RBM12B: variants seen among roughly 807,000 people sequenced by gnomAD.
RBM12B encodes RNA binding motif protein 12B.
Under a neutral mutation model 34.3 loss-of-function variants are expected in RBM12B, and 10 were observed. The ratio of observed to expected loss-of-function variants is 0.29; its 90% CI spans 0.18 to 0.49. The LOEUF is 0.49. Ranked by LOEUF, RBM12B falls within the 20% of genes least tolerant of loss-of-function variation. The pLI is 0.99. For missense variants in RBM12B, 1,139 were observed against 1,262.7 expected (o/e 0.90, Z 1.48); for synonymous variants, 477 against 437.1 (o/e 1.09, Z -1.14).
At position 93,733,927 on chromosome 8, in the gene RBM12B, C is replaced by T. The variant is rs745883579; in HGVS notation, c.2484G>A (p.Arg828=). 1 of 1,613,504 alleles carries T rather than the reference C, an allele frequency of 6.2e-7. No individual in the cohort carries two copies. The highest frequency in any genetic ancestry group is 8.5e-7 in the Non-Finnish European group (1 of 1,179,848). The change falls in exon 4 of 4, where the codon AGG becomes AGA. Residue 828 remains arginine (R), a synonymous_variant. Coordinates refer to ENST00000520560, the MANE Select transcript of RBM12B (RefSeq NM_001377960.1). The part of the protein sequence containing the change: ...DFRHPPDEDF[R]SPQEEDFRCP... ...ATCTAAAATCTTCCTCCTGGGGGCT[C>T]CTGAAGTCCTCATCAGGAGGGTGCC...
chr8:93,734,652 A>C lies in RBM12B; in HGVS notation c.1759T>G (p.Phe587Val), dbSNP rs1167765707. 5 of 1,613,010 alleles carry C rather than the reference A, an allele frequency of 3.1e-6. No individual in the cohort carries two copies. In the African/African-American group the frequency reaches 6.7e-5, roughly 22 times the overall value. ...EDFRRPREED[F>V]RRPSEEDFRR... Reference sequence around the variant, plus strand: ...AAGTCCTCCTCAGAAGGCCGCCTGAAGTCTTCCTCCCTAGGTCGCCTGAAG... The same window carrying C: ...AAGTCCTCCTCAGAAGGCCGCCTGACGTCTTCCTCCCTAGGTCGCCTGAAG... Residue 587 changes from phenylalanine (F) to valine (V), a missense_variant, in exon 4 of 4, where the codon TTC becomes GTC. Transcript: ENST00000520560.
In RBM12B at chr8:93,729,425, G is replaced by GT. The variant is rs1346681190; in HGVS notation, c.*3979dup. ...TGGATATTTACTGCTTCCTCACTCAGTATTTAAATTTGGTTGTACTTCGGG... is the reference window on the plus strand; with the variant it reads ...TGGATATTTACTGCTTCCTCACTCAGTTATTTAAATTTGGTTGTACTTCGGG... On this transcript the variant is annotated 3_prime_UTR_variant, in exon 4 of 4. Coordinates refer to ENST00000520560, the MANE Select transcript of RBM12B (RefSeq NM_001377960.1). The GT allele has an allele frequency of 3.3e-5, 5 of 152,062 alleles. No individual in the cohort carries two copies. Among genetic ancestry groups the GT allele is most frequent in the African/African-American group, 7.2e-5 (3 of 41,436 alleles). 9.4% of individuals were successfully genotyped at this position (152,062 alleles called of 1,614,324 possible). A position where few individuals can be genotyped will look rare whatever the true frequency, so the allele number is the denominator to read the frequency against.
In RBM12B at chr8:93,735,669, T is replaced by C; in HGVS notation, c.742A>G (p.Arg248Gly). ...GNAVKEGDVL[R>G]RSEEHSPPRG... ...GGTGGAGAATGTTCTTCAGATCTCC[T>C]AAGAACGTCACCCTCCTTAACTGCA... The change falls in exon 4 of 4, where the codon AGG becomes GGG. Residue 248 changes from arginine to glycine, a missense_variant. Coordinates refer to ENST00000520560, the MANE Select transcript of RBM12B (RefSeq NM_001377960.1). 1 of 1,614,088 alleles carries C rather than the reference T, an allele frequency of 6.2e-7. No homozygotes were observed. The highest frequency in any genetic ancestry group is 8.5e-7 in the Non-Finnish European group (1 of 1,179,988).
At position 93,728,223 on chromosome 8, in the gene RBM12B, A is replaced by C. The variant is rs377233394; in HGVS notation, c.*5182T>G. ...TTAACAGGTATCCACTTGTCGACTA[A>C]GAAAGGATCAACAAGCAGAAGATGA... is the stretch of plus-strand genomic sequence containing the variant. On this transcript the variant is annotated 3_prime_UTR_variant, in exon 4 of 4. Transcript: ENST00000520560. The C allele has an allele frequency of 6.3e-6, 10 of 1,591,690 alleles. No homozygotes were observed. In the African/African-American group the frequency reaches 1.2e-4, roughly 19 times the overall value.
rs780756708 is a variant in RBM12B, at chr8:93,734,533, GTCC to G, written c.1875_1877del (p.Glu625del). On this transcript the variant is annotated inframe_deletion, in exon 4 of 4. Coordinates refer to ENST00000520560, the MANE Select transcript of RBM12B (RefSeq NM_001377960.1). Reference sequence around the variant, plus strand: ...AATCCTCCTCCAGTGGCCGCCTCCAGTCCTCCTCAAGGGGCCTCCTCCAGTCCT... The same window carrying G: ...AATCCTCCTCCAGTGGCCGCCTCCAGTCCTCAAGGGGCCTCCTCCAGTCCT... The G allele has an allele frequency of 1.2e-5, 20 of 1,612,838 alleles. No individual in the cohort carries two copies. In the African/African-American group the frequency reaches 1.9e-4, roughly 15 times the overall value.
At position 93,734,109 on chromosome 8, in the gene RBM12B, G is replaced by A. The variant is rs1586309821; in HGVS notation, c.2302C>T (p.Pro768Ser). The stretch of plus-strand genomic sequence containing the variant: ...GGGGGCGGGCGCCTGAAATGCTCTG[G>A]GGGTGGCCGCCTGAAGTGCTCTGGG... ...PPPEHFRRPP[P>S]EHFRRPPPEH... Residue 768 changes from proline to serine, a missense_variant, in exon 4 of 4, where the codon CCA becomes TCA. Pro to Ser is a moderately conservative substitution (Grantham distance 74, BLOSUM62 -1). Around this residue, in one of 3 missense-constraint regions of RBM12B, gnomAD observed 863 missense variants for 869.5 expected, o/e 0.99. Transcript: ENST00000520560. 6.4e-7 allele frequency: 1 copy of A among 1,559,126 alleles called. No homozygotes were observed.
rs762852086 is a variant in RBM12B, at chr8:93,734,308, CCGCCTGAAGTCATCCTCGGGTGGT to C, written c.2079_2102del (p.Asp697_Glu704del). ...AATGCCTGAAATCCTCCTCTGGGGG[CCGCCTGAAGTCATCCTCGGGTGGT>C]CGCCTCCATTCTCCCTGAAGAGGCC... On this transcript the variant is annotated inframe_deletion, in exon 4 of 4. Coordinates refer to ENST00000520560, the MANE Select transcript of RBM12B (RefSeq NM_001377960.1). 4.3e-6 allele frequency: 7 copies of C among 1,613,194 alleles called. No individual in the cohort carries two copies. The highest frequency in any genetic ancestry group is 4.5e-5 in the East Asian group (2 of 44,818).
At position 93,732,385 on chromosome 8, in the gene RBM12B, C is replaced by G. The variant is rs1811823401; in HGVS notation, c.*1020G>C. 1 of 152,172 alleles carries G rather than the reference C, an allele frequency of 6.6e-6. No homozygotes were observed. The highest frequency in any genetic ancestry group is 1.5e-5 in the Non-Finnish European group (1 of 68,026). 9.4% of individuals were successfully genotyped at this position (152,172 alleles called of 1,614,324 possible). Reference sequence around the variant, plus strand: ...TATCAAAGAAGTCAAAATTCAACCACACAAGTCTTAACAGTTATAGAGTCT... The same window carrying G: ...TATCAAAGAAGTCAAAATTCAACCAGACAAGTCTTAACAGTTATAGAGTCT... On this transcript the variant is annotated 3_prime_UTR_variant, in exon 4 of 4. Coordinates refer to ENST00000520560, the MANE Select transcript of RBM12B (RefSeq NM_001377960.1).
rs1313758101 is a variant in RBM12B at position 93,729,740 on chromosome 8, T to C, written c.*3665A>G. 2 of 152,162 alleles carry C rather than the reference T, an allele frequency of 1.3e-5. No homozygotes were observed. The highest frequency in any genetic ancestry group is 2.9e-5 in the Non-Finnish European group (2 of 68,010). 9.4% of individuals were successfully genotyped at this position (152,162 alleles called of 1,614,324 possible). On this transcript the variant is annotated 3_prime_UTR_variant, in exon 4 of 4. Coordinates refer to ENST00000520560, the MANE Select transcript of RBM12B (RefSeq NM_001377960.1). Reference sequence around the variant, plus strand: ...TGGGTTTAGGCAAATTCAAGACTATTATACAGGTAACTATGTAACCATGTA... The same window carrying C: ...TGGGTTTAGGCAAATTCAAGACTATCATACAGGTAACTATGTAACCATGTA...
At position 93,731,729 on chromosome 8, in the gene RBM12B, A is replaced by G. The variant is rs570892382; in HGVS notation, c.*1676T>C. Reference sequence around the variant, plus strand: ...TAATTGTATTATTTACTCAATGGGGAAAATCTGGATTACAGAACTGAGGAA... The same window carrying G: ...TAATTGTATTATTTACTCAATGGGGGAAATCTGGATTACAGAACTGAGGAA... On this transcript the variant is annotated 3_prime_UTR_variant, in exon 4 of 4. Coordinates refer to ENST00000520560, the MANE Select transcript of RBM12B (RefSeq NM_001377960.1). The G allele has an allele frequency of 6.5e-6, 1 of 152,748 alleles. No individual in the cohort carries two copies. The highest frequency in any genetic ancestry group is 6.5e-5 in the Admixed American group (1 of 15,302). The allele number at this position is 152,748 out of a possible 1,614,324, so 9.5% of individuals were successfully genotyped here. A position where few individuals can be genotyped will look rare whatever the true frequency, so the allele number is the denominator to read the frequency against.
Position 93,734,400 on chromosome 8 carries a change from G to C in RBM12B, c.2011C>G (p.Pro671Ala), listed in dbSNP as rs1038719534. 1.2e-6 allele frequency: 2 copies of C among 1,612,124 alleles called. No homozygotes were observed. Among genetic ancestry groups the C allele is most frequent in the African/African-American group, 2.7e-5 (2 of 74,324 alleles). Residue 671 changes from proline (P) to alanine (A), a missense_variant, in exon 4 of 4, where the codon CCT (proline) becomes GCT (alanine). Physicochemically the swap from Pro to Ala is conservative, Grantham distance 27. Transcript: ENST00000520560. ...WLPEEDFRRPPEEDWRRPPEE... is the reference protein window; with the variant it reads ...WLPEEDFRRPAEEDWRRPPEE... ...GGGGGCCGTCTCCAGTCCTCCTCAG[G>C]TGGCCGCCTGAAATCTTCCTCTGGG... is the stretch of plus-strand genomic sequence containing the variant.
At chr8:93,737,950 A>G (rs1812071556) in intron 2 of RBM12B, among the ~76,000 whole-genome samples, 1 of 152,208 alleles carries the variant, frequency 6.6e-6, no homozygotes, top group African/African-American at 2.4e-5. Flanking sequence ...CAACCATTCA[A>G]AATTACACAA....
rs969687268 is a variant in RBM12B, at chr8:93,730,809, T to C, written c.*2596A>G. ...CTTTTTATAATGAAGTTTAAAAATA[T>C]TAAGCCCTGATACATTATAGGGTAA... On this transcript the variant is annotated 3_prime_UTR_variant, in exon 4 of 4. Transcript: ENST00000520560. The C allele has an allele frequency of 2.6e-5, 4 of 152,194 alleles. No individual in the cohort carries two copies. Among genetic ancestry groups the C allele is most frequent in the African/African-American group, 9.7e-5 (4 of 41,442 alleles). The allele number at this position is 152,194 out of a possible 1,614,324, so 9.4% of individuals were successfully genotyped here. A position where few individuals can be genotyped will look rare whatever the true frequency, so the allele number is the denominator to read the frequency against.
intron 2 of RBM12B, among the ~76,000 whole-genome samples, chr8:93,739,434 TAAAC>T (rs1379113155): frequency 2.0e-5 from 3 of 152,190 alleles, no homozygotes; most frequent in Admixed American, 2.0e-4. Flanking sequence ...TTGCCACAGT[TAAAC>T]AAAACTAATG....
Position 93,735,051 on chromosome 8 carries a change from C to T in RBM12B, c.1360G>A (p.Ala454Thr). Residue 454 changes from alanine (A) to threonine (T), a missense_variant, in exon 4 of 4, where the codon GCC (alanine) becomes ACC (threonine). Coordinates refer to ENST00000520560, the MANE Select transcript of RBM12B (RefSeq NM_001377960.1). ...CGGTTTAAACGTTCAGCTTTCATGG[C>T]CTGTTCTTCTGATTTAAATTTCACT... The part of the protein sequence containing the change: ...ALVKFKSEEQ[A>T]MKAERLNRRR... 1.2e-6 allele frequency: 2 copies of T among 1,614,134 alleles called. No individual in the cohort carries two copies. The highest frequency in any genetic ancestry group is 1.7e-6 in the Non-Finnish European group (2 of 1,180,016).
At position 93,736,158 on chromosome 8, in the gene RBM12B, T is replaced by C; in HGVS notation, c.253A>G (p.Met85Val). Residue 85 changes from methionine to valine, a missense_variant, in exon 4 of 4, where the codon ATG (methionine) becomes GTG (valine). Physicochemically the swap from Met to Val is conservative, Grantham distance 21 (BLOSUM62 1). Coordinates refer to ENST00000520560, the MANE Select transcript of RBM12B (RefSeq NM_001377960.1). ...SKAEMQKTIE[M>V]KRTDRVGRGR... ...CTTCCTACACGATCAGTTCTTTTCATTTCTATAGTCTTCTGCATTTCTGCC... is the reference window on the plus strand; with the variant it reads ...CTTCCTACACGATCAGTTCTTTTCACTTCTATAGTCTTCTGCATTTCTGCC... The C allele has an allele frequency of 1.2e-6, 2 of 1,614,268 alleles. No individual in the cohort carries two copies. Among genetic ancestry groups the C allele is most frequent in the South Asian group, 2.2e-5 (2 of 91,088 alleles).
In RBM12B at chr8:93,734,574, G is replaced by A. The variant is rs755275274; in HGVS notation, c.1837C>T (p.His613Tyr). ...FRRPPEDDFR[H>Y]PREEDWRRPL... ...CTCCTCCAGTCCTCCTCCCTAGGGT[G>A]CCTGAAGTCATCCTCCGGAGGGCGC... The change falls in exon 4 of 4, where the codon CAC becomes TAC. Residue 613 changes from histidine to tyrosine, a missense_variant. This residue lies in a region of RBM12B where 863 missense variants were observed against 869.5 expected (regional missense o/e 0.99). Transcript: ENST00000520560. 6.2e-7 allele frequency: 1 copy of A among 1,613,228 alleles called. No individual in the cohort carries two copies. The highest frequency in any genetic ancestry group is 8.5e-7 in the Non-Finnish European group (1 of 1,179,730).
chr8:93,734,902 C>T lies in RBM12B; in HGVS notation c.1509G>A (p.Glu503=), dbSNP rs996423317. 6 of 1,613,964 alleles carry T rather than the reference C, an allele frequency of 3.7e-6. No individual in the cohort carries two copies. The African/African-American group carries it at 4.0e-5, about 11-fold the overall frequency. Reference sequence around the variant, plus strand: ...CAAATAAATGGGAATGGTCACCTCGCTCACGTGACTGTGAGCGAGCTTGCA... The same window carrying T: ...CAAATAAATGGGAATGGTCACCTCGTTCACGTGACTGTGAGCGAGCTTGCA... ...EKMQARSQSR[E]RGDHSHLFDS... The change falls in exon 4 of 4, where the codon GAG becomes GAA. Residue 503 remains glutamate, a synonymous_variant. Transcript: ENST00000520560.
chr8:93,735,636 T>C lies in RBM12B; in HGVS notation c.775A>G (p.Ile259Val), dbSNP rs1221851348. Residue 259 changes from isoleucine (I) to valine (V), a missense_variant, in exon 4 of 4, where the codon ATT becomes GTT. Physicochemically the swap from Ile to Val is conservative, Grantham distance 29. Coordinates refer to ENST00000520560, the MANE Select transcript of RBM12B (RefSeq NM_001377960.1). ...CGTTTTCGAAAATGTCTATCATTAA[T>C]TCCTCTTGGTGGAGAATGTTCTTCA... ...RSEEHSPPRG[I>V]NDRHFRKRSH... 9.3e-6 allele frequency: 15 copies of C among 1,614,150 alleles called. No homozygotes were observed. The highest frequency in any genetic ancestry group is 2.7e-5 in the African/African-American group (2 of 75,062).
Sources: allele counts gnomAD v4.1 joint callset (sites outside exome capture counted in the v4.1 genomes callset), GRCh38; gene constraint gnomAD v4.1.1; regional missense constraint gnomAD v4.1.1; transcripts MANE v1.5; gene names NCBI Gene and HGNC (gene_info 2026-07-23, HGNC 2026-07-21).